Variants in CPNE8 observed in about 807,000 individuals in gnomAD.
The protein encoded by CPNE8 is copine-8.
CPNE8 carries 45 observed loss-of-function variants against 81.5 expected under a neutral mutation model. The ratio of observed to expected loss-of-function variants is 0.55; its 90% CI spans 0.44 to 0.71. CPNE8 has a LOEUF of 0.71. CPNE8 is among the 30% of genes least tolerant of loss of function. The pLI, the probability that CPNE8 is intolerant of heterozygous loss-of-function variation, is 0.00. For missense variants in CPNE8, 594 were observed against 672.1 expected, an observed-to-expected ratio of 0.88 and a Z score of 1.28; for synonymous variants, 252 against 226.3, an observed-to-expected ratio of 1.11 and a Z score of -1.02.
intron 10 of CPNE8, among the ~76,000 whole-genome samples, chr12:38,745,594 G>A (rs1473165733): frequency 6.6e-6 from 1 of 152,176 alleles, no homozygotes; most frequent in Non-Finnish European, 1.5e-5. Flanking sequence ...CCAGGCTGGA[G>A]TGCAGTGGTG....
chr12:38,698,797 C>T (rs1303009063), intron 14 of CPNE8, among the ~76,000 whole-genome samples: 1 of 152,128 alleles, frequency 6.6e-6, no homozygotes, highest in Non-Finnish European at 1.5e-5. Context: ...ATTACTGTTG[C>T]TTTGTAGTAA....
intron 3 of CPNE8, among the ~76,000 whole-genome samples, chr12:38,853,404 T>C (rs928959900): frequency 6.6e-5 from 10 of 152,106 alleles, no homozygotes; most frequent in Non-Finnish European, 1.2e-4. Flanking sequence ...AATACTAGAT[T>C]ATCAAAAGTA....
intron 6 of CPNE8, among the ~76,000 whole-genome samples, chr12:38,776,869 G>A (rs980801448): frequency 1.3e-5 from 2 of 152,196 alleles, no homozygotes; most frequent in Non-Finnish European, 2.9e-5. Flanking sequence ...GTGTAATGCT[G>A]AGGCAAACAA....
chr12:38,706,571 C>A (rs1940112782), intron 13 of CPNE8, among the ~76,000 whole-genome samples: 1 of 152,004 alleles, frequency 6.6e-6, no homozygotes, highest in South Asian at 2.1e-4. Flanking sequence ...TGTATATATT[C>A]TTTTTATGTT....
At chr12:38,829,611 A>T (rs1943252649) in intron 5 of CPNE8, among the ~76,000 whole-genome samples, 156 bp from the exon 6 acceptor site, 1 of 152,246 alleles carries the variant, frequency 6.6e-6, no homozygotes. Flanking sequence ...CATTAATCTT[A>T]CCATGTGACT....
chr12:38,752,355 G>T (rs1023965431), intron 10 of CPNE8, among the ~76,000 whole-genome samples: 1 of 152,084 alleles, frequency 6.6e-6, no homozygotes, highest in Non-Finnish European at 1.5e-5. Context: ...AAAATACAAA[G>T]ATATCTATCT....
chr12:38,798,067 G>A (rs890200930), intron 6 of CPNE8, among the ~76,000 whole-genome samples: 21 of 152,236 alleles, frequency 1.4e-4, no homozygotes, highest in Admixed American at 3.9e-4. Context: ...CCAAATCTAC[G>A]TCTCATTGGT....
At chr12:38,758,896 G>T (rs78149073) in intron 10 of CPNE8, among the ~76,000 whole-genome samples, 1 of 152,098 alleles carries the variant, frequency 6.6e-6, no homozygotes, top group East Asian at 1.9e-4. Context: ...TTTGAAGGAA[G>T]ACAATACAAT....
At chr12:38,700,996 T>C (rs1048444165) in intron 14 of CPNE8, among the ~76,000 whole-genome samples, 2 of 152,212 alleles carry the variant, frequency 1.3e-5, no homozygotes, top group Non-Finnish European at 2.9e-5. Context: ...ATGTCTTTAT[T>C]AGCAGCATGA....
chr12:38,667,553 C>A (rs189762551), intron 19 of CPNE8, among the ~76,000 whole-genome samples: 166 of 152,278 alleles, frequency 1.1e-3, no homozygotes, highest in Non-Finnish European at 1.9e-3. Context: ...GAAATGAGTA[C>A]ATCAAATCTC....
At chr12:38,862,400 T>C (rs1943850859) in intron 3 of CPNE8, among the ~76,000 whole-genome samples, 1 of 152,166 alleles carries the variant, frequency 6.6e-6, no homozygotes, top group African/African-American at 2.4e-5. Flanking sequence ...CATTCAGATG[T>C]TGTGGGGCAT....
In CPNE8 at chr12:38,833,479, C is replaced by CTTTT. The variant is rs543470951; in HGVS notation, c.331-4028_331-4025dup. Among the ~76,000 whole-genome samples, 163 of 130,686 alleles carry CTTTT rather than the reference C, an allele frequency of 1.2e-3. 10 individuals carry two copies. Among genetic ancestry groups the CTTTT allele is most frequent in the South Asian group, 4.3e-3 (18 of 4,172 alleles). 85.7% of individuals were successfully genotyped at this position (130,686 alleles called of 152,430 possible). A position where few individuals can be genotyped will look rare whatever the true frequency, so the allele number is the denominator to read the frequency against. On this transcript the variant is annotated intron_variant, in intron 5 of 19. Coordinates refer to ENST00000331366, the MANE Select transcript of CPNE8 (RefSeq NM_153634.3). ...TAGATGATCAGTGACTGAAATTAAC[C>CTTTT]TTTTTTTTTTTTTTTTGAGACGGGA...
Position 38,653,978 on chromosome 12 carries a change from C to T in CPNE8, c.1599G>A (p.Glu533=), listed in dbSNP as rs762427115. 47 of 1,613,530 alleles carry T rather than the reference C, an allele frequency of 2.9e-5. No individual in the cohort carries two copies. Among genetic ancestry groups the T allele is most frequent in the Non-Finnish European group, 3.8e-5 (45 of 1,179,890 alleles). The change falls in exon 20 of 20, where the codon GAG becomes GAA. Residue 533 remains glutamate (E), a synonymous_variant. Coordinates refer to ENST00000331366, the MANE Select transcript of CPNE8 (RefSeq NM_153634.3). ...GGGCTCTCATATAGGAGAGAAACTG[C>T]TCAGGGATCTCAGCTAGGACATCTT... ...LAKDVLAEIP[E]QFLSYMRARG...
Position 38,829,456 on chromosome 12 carries a change from C to A in CPNE8, c.331-1G>T. The A allele has an allele frequency of 6.2e-7, 1 of 1,607,668 alleles. No homozygotes were observed. The highest frequency in any genetic ancestry group is 8.5e-7 in the Non-Finnish European group (1 of 1,174,444). On this transcript the variant is annotated splice_acceptor_variant, in intron 5 of 19. Transcript: ENST00000331366. LOFTEE classifies it high-confidence loss of function. ...TACAAAACACTTGTCCCAGAAAGTCCTGAAATAGATAAAAAGATTAAAGCT... is the reference window on the plus strand; with the variant it reads ...TACAAAACACTTGTCCCAGAAAGTCATGAAATAGATAAAAAGATTAAAGCT...
At chr12:38,818,834 A>G (rs936341301) in intron 6 of CPNE8, among the ~76,000 whole-genome samples, 1 of 152,184 alleles carries the variant, frequency 6.6e-6, no homozygotes, top group Non-Finnish European at 1.5e-5. Flanking sequence ...TCTAACTGGC[A>G]TGAGATGGTA....
At chr12:38,833,720 T>C (rs1207701343) in intron 5 of CPNE8, among the ~76,000 whole-genome samples, 5 of 152,012 alleles carry the variant, frequency 3.3e-5, no homozygotes, top group Admixed American at 2.0e-4. Flanking sequence ...CCTCGTGATC[T>C]GCCCGCCTTG....
At chr12:38,719,717 T>C (rs143464432) in intron 13 of CPNE8, among the ~76,000 whole-genome samples, 1 of 152,202 alleles carries the variant, frequency 6.6e-6, no homozygotes, top group East Asian at 1.9e-4. Context: ...TGGATTCCAC[T>C]ATCCAAAAGA....
At chr12:38,690,302 G>A (rs1438552248) in intron 15 of CPNE8, among the ~76,000 whole-genome samples, 1 of 152,102 alleles carries the variant, frequency 6.6e-6, no homozygotes, top group African/African-American at 2.4e-5. Context: ...CTTAGGATGA[G>A]CTTAACACAG....
At chr12:38,900,335 T>A (rs1178532401) in intron 1 of CPNE8, among the ~76,000 whole-genome samples, 2 of 152,182 alleles carry the variant, frequency 1.3e-5, no homozygotes, top group African/African-American at 4.8e-5. Flanking sequence ...ATTCAATAGA[T>A]CTGCTATGGG....
Sources: gnomAD v4.1 joint callset for allele counts (sites outside exome capture counted in the v4.1 genomes callset) on GRCh38, gnomAD v4.1.1 for gene constraint, MANE v1.5 for transcripts, NCBI Gene and HGNC (gene_info 2026-07-23, HGNC 2026-07-21) for gene names.